The following MAEL variants were observed in gnomAD, a reference collection of about 807,000 sequenced individuals.
MAEL encodes the protein protein maelstrom homolog.
MAEL carries 46 observed loss-of-function variants against 62.0 expected under a neutral mutation model. That is an observed-to-expected ratio of 0.74 (90% CI 0.59 to 0.95). MAEL has a LOEUF of 0.95. MAEL is among the 40% of genes least tolerant of loss of function. The pLI is 0.00. For missense variants in MAEL, 497 were observed against 526.8 expected (o/e 0.94, Z 0.55); for synonymous variants, 172 against 175.5 (o/e 0.98, Z 0.16).
In MAEL at chr1:167,004,229, C is replaced by A. The variant is rs748095386; in HGVS notation, c.573C>A (p.Asn191Lys). ...TTTCAAATTTTGAACGTGGGCATAACCAAGCAACTGTGTTACAAAACCTTT... is the reference window on the plus strand; with the variant it reads ...TTTCAAATTTTGAACGTGGGCATAAACAAGCAACTGTGTTACAAAACCTTT... ...IPISNFERGH[N>K]QATVLQNLYR... The change falls in exon 6 of 12, where the codon AAC becomes AAA. Residue 191 changes from asparagine to lysine, a missense_variant. Coordinates refer to ENST00000367872, the MANE Select transcript of MAEL (RefSeq NM_032858.3). 1.2e-6 allele frequency: 2 copies of A among 1,608,988 alleles called. No individual in the cohort carries two copies. The highest frequency in any genetic ancestry group is 1.7e-5 in the Admixed American group (1 of 59,360).
chr1:167,011,278 T>C (rs906666401), intron 8 of MAEL, among the ~76,000 whole-genome samples: 3 of 152,230 alleles, frequency 2.0e-5, no homozygotes, highest in African/African-American at 7.2e-5. Context: ...CATTTTTCTA[T>C]TTATAGACAA....
chr1:167,018,517 T>G (rs1421849914), intron 10 of MAEL, among the ~76,000 whole-genome samples: 2 of 152,144 alleles, frequency 1.3e-5, no homozygotes, highest in African/African-American at 4.8e-5. Flanking sequence ...TACTAATTTT[T>G]TATGTATTAA....
chr1:167,016,278 A>G lies in MAEL; in HGVS notation c.902A>G (p.Lys301Arg). 1 of 1,613,526 alleles carries G rather than the reference A, an allele frequency of 6.2e-7. No individual in the cohort carries two copies. Residue 301 changes from lysine to arginine, a missense_variant, in exon 9 of 12, where the codon AAG (lysine) becomes AGG (arginine). Lys to Arg is a conservative substitution (Grantham distance 26, BLOSUM62 2). Transcript: ENST00000367872. ...TTCTGTGCTTTAGCTGTTTGCAAGA[A>G]GATTGCGTAAGTTGGGGAAAGGAGT... ...ILFCALAVCK[K>R]IAYCISNSLA...
intron 7 of MAEL, 35 bp from the exon 8 acceptor site, chr1:167,005,221 C>T: frequency 6.2e-7 from 1 of 1,611,002 alleles, no homozygotes; most frequent in Non-Finnish European, 8.5e-7. Flanking sequence ...TCTAAATTTA[C>T]TAATTGTATG....
In MAEL at chr1:167,021,824, A is replaced by G; in HGVS notation, c.1274A>G (p.Asp425Gly). The change falls in exon 12 of 12, where the codon GAT becomes GGT. Residue 425 changes from aspartate (D) to glycine (G), a missense_variant. Transcript: ENST00000367872. Reference sequence around the variant, plus strand: ...CTCTCACCTTACATGTCCCAAAAAGATGGATACAAATCTTTCTCTTCCTTA... The same window carrying G: ...CTCTCACCTTACATGTCCCAAAAAGGTGGATACAAATCTTTCTCTTCCTTA... Reference protein sequence around the residue: ...TSLSPYMSQKDGYKSFSSLS With the variant: ...TSLSPYMSQKGGYKSFSSLS 1 of 1,610,724 alleles carries G rather than the reference A, an allele frequency of 6.2e-7. No individual in the cohort carries two copies. The highest frequency in any genetic ancestry group is 8.5e-7 in the Non-Finnish European group (1 of 1,178,228).
intron 8 of MAEL, among the ~76,000 whole-genome samples, chr1:167,010,820 G>C (rs555724497): frequency 1.3e-5 from 2 of 152,198 alleles, no homozygotes; most frequent in South Asian, 2.1e-4. Flanking sequence ...GCTCCTTTGC[G>C]TTTCTTGGAC....
intron 8 of MAEL, among the ~76,000 whole-genome samples, chr1:167,010,375 T>G (rs868682409): frequency 6.6e-6 from 1 of 152,070 alleles, no homozygotes; most frequent in Non-Finnish European, 1.5e-5. Context: ...CTCCTTCATG[T>G]TTTTTTGGGG....
At chr1:167,004,326 C>G in intron 6 of MAEL, 22 bp downstream of exon 6, 2 of 1,565,738 alleles carry the variant, frequency 1.3e-6, no homozygotes, top group Non-Finnish European at 1.7e-6. Flanking sequence ...TTAAGAAGTT[C>G]TTTTAAGGTA....
intron 3 of MAEL, 145 bp downstream of exon 3, chr1:166,991,622 T>TAA (rs1179143704): frequency 1.3e-5 from 7 of 543,548 alleles, no homozygotes; most frequent in Admixed American, 3.1e-5. Flanking sequence ...ACTGACATTA[T>TAA]AAAAGATTAG....
chr1:166,994,185 T>TA (rs1272226126), intron 5 of MAEL, 116 bp downstream of exon 5: 1 of 927,960 alleles, frequency 1.1e-6, no homozygotes, highest in African/African-American at 1.7e-5. Context: ...AGGTTATTGT[T>TA]AGAGAATCTG....
At chr1:166,982,636 T>C (rs923695631) in intron 1 of MAEL, among the ~76,000 whole-genome samples, 2 of 152,134 alleles carry the variant, frequency 1.3e-5, no homozygotes, top group Non-Finnish European at 2.9e-5. Flanking sequence ...ACGTACCTGG[T>C]TGAAAATCAC....
intron 7 of MAEL, 32 bp downstream of exon 7, chr1:167,005,162 C>G: frequency 6.2e-7 from 1 of 1,612,304 alleles, no homozygotes; most frequent in Non-Finnish European, 8.5e-7. Context: ...TGCAGAAGTG[C>G]TTTATAGTTA....
chr1:167,014,692 C>G (rs1321410937), intron 8 of MAEL, among the ~76,000 whole-genome samples: 1 of 152,092 alleles, frequency 6.6e-6, no homozygotes, highest in African/African-American at 2.4e-5. Flanking sequence ...AAAGGGGGGA[C>G]CTTTCCAATA....
intron 8 of MAEL, among the ~76,000 whole-genome samples, chr1:167,011,301 G>A (rs1052676649): frequency 1.3e-5 from 2 of 152,142 alleles, no homozygotes; most frequent in African/African-American, 4.8e-5. Flanking sequence ...GAGTTTTGTA[G>A]TGTTCTTCTA....
rs766721984 is a variant in MAEL at position 166,989,382 on chromosome 1, T to C, written c.30T>C (p.Ala10=). MPNRKASRN[A]YYFFVQEKIP... is the part of the protein sequence containing the mutation. ...CGAACCGTAAGGCCAGCCGGAATGCTTACTATTTCTTCGTGCAGGAGAAGA... is the reference window on the plus strand; with the variant it reads ...CGAACCGTAAGGCCAGCCGGAATGCCTACTATTTCTTCGTGCAGGAGAAGA... The change falls in exon 1 of 12, where the codon GCT becomes GCC. Residue 10 remains alanine, a synonymous_variant. Coordinates refer to ENST00000367872, the MANE Select transcript of MAEL (RefSeq NM_032858.3). 7 of 1,608,848 alleles carry C rather than the reference T, an allele frequency of 4.4e-6. No homozygotes were observed. In the South Asian group the frequency reaches 7.8e-5, roughly 18 times the overall value.
intron 1 of MAEL, 79 bp downstream of exon 1, chr1:166,989,563 C>A (rs1234195519): frequency 6.5e-7 from 1 of 1,536,574 alleles, no homozygotes; most frequent in Admixed American, 2.0e-5. Context: ...CAGAAGGCCT[C>A]GAGGAGGTCA....
chr1:167,001,038 AG>A (rs1664638973), intron 5 of MAEL, among the ~76,000 whole-genome samples: 1 of 152,236 alleles, frequency 6.6e-6, no homozygotes, highest in Non-Finnish European at 1.5e-5. Flanking sequence ...AGGAAACTGT[AG>A]TATATATATG....
intron 8 of MAEL, chr1:167,005,663 A>T (rs1002980430): frequency 5.6e-5 from 14 of 251,326 alleles, no homozygotes; most frequent in Non-Finnish European, 7.5e-6. Flanking sequence ...ATTTAGACAG[A>T]TTTTTATTAC....
chr1:166,985,974 T>C (rs1473602280), upstream of MAEL, among the ~76,000 whole-genome samples: 1 of 152,208 alleles, frequency 6.6e-6, no homozygotes, highest in Non-Finnish European at 1.5e-5. Context: ...AGAGATATGC[T>C]TAAAGATTTT....
Sources: gnomAD v4.1 joint callset for allele counts (sites outside exome capture counted in the v4.1 genomes callset) on GRCh38, gnomAD v4.1.1 for gene constraint, MANE v1.5 for transcripts, NCBI Gene and HGNC (gene_info 2026-07-23, HGNC 2026-07-21) for gene names.